The following PLXNA4 variants were observed in gnomAD, a reference collection of about 807,000 sequenced individuals.
The protein encoded by PLXNA4 is plexin A4, also known as plexin-A4.
A neutral mutation model predicts 191.8 loss-of-function variants in PLXNA4; 44 were observed. That is an observed-to-expected ratio of 0.23 (90% confidence interval 0.18 to 0.29). The LOEUF is 0.29. PLXNA4 is among the 10% of genes least tolerant of loss of function. PLXNA4 has a pLI of 1.00. For synonymous variants in PLXNA4, 1,082 were observed against 1,009.5 expected (o/e 1.07, Z -1.36); for missense variants, 1,800 against 2,488.8 (o/e 0.72, Z 5.89).
intron 1 of PLXNA4, among the ~76,000 whole-genome samples, chr7:132,531,052 C>A (rs1203927137): frequency 1.3e-5 from 2 of 152,124 alleles, no homozygotes; most frequent in Non-Finnish European, 2.9e-5. Context: ...AGTAGAACAG[C>A]GGTTACCCAG....
Position 132,384,283 on chromosome 7 carries a change from G to C in PLXNA4, c.1372-86061C>G, listed in dbSNP as rs558532460. 30 of 985,444 alleles carry C rather than the reference G, an allele frequency of 3.0e-5. No individual in the cohort carries two copies. In the African/African-American group the frequency reaches 5.1e-4, roughly 17 times the overall value. 61.0% of individuals were successfully genotyped at this position (985,444 alleles called of 1,614,324 possible). On this transcript the variant is annotated intron_variant, in intron 3 of 31. Coordinates refer to ENST00000321063, the MANE Select transcript of PLXNA4 (RefSeq NM_020911.2). Reference sequence around the variant, plus strand: ...ACTTTCACTTGTTTTCAAGTAACCAGATTAGCACCAGTCGCTAATTTTACA... The same window carrying C: ...ACTTTCACTTGTTTTCAAGTAACCACATTAGCACCAGTCGCTAATTTTACA...
intron 13 of PLXNA4, among the ~76,000 whole-genome samples, chr7:132,195,368 A>C (rs1411145261): frequency 6.6e-6 from 1 of 152,150 alleles, no homozygotes; most frequent in African/African-American, 2.4e-5. Context: ...CTTCCTATTG[A>C]TGAACGTTTA....
intron 9 of PLXNA4, among the ~76,000 whole-genome samples, chr7:132,215,681 A>G (rs1797941525): frequency 6.6e-6 from 1 of 152,114 alleles, no homozygotes; most frequent in African/African-American, 2.4e-5. Flanking sequence ...GAGTTCAACC[A>G]TCAGTGGGCA....
chr7:132,557,470 A>G (rs530940562), intron 1 of PLXNA4, among the ~76,000 whole-genome samples: 87 of 152,140 alleles, frequency 5.7e-4, no homozygotes, highest in Non-Finnish European at 8.7e-4. Flanking sequence ...GGACGTAAAG[A>G]TAGGCAATCA....
chr7:132,644,197 C>T (rs1803810829), intron 2 of PLXNA4, among the ~76,000 whole-genome samples: 1 of 152,116 alleles, frequency 6.6e-6, no homozygotes, highest in Admixed American at 6.6e-5. Context: ...TTTTGTCTCC[C>T]TGGCAGGTGA....
intron 3 of PLXNA4, among the ~76,000 whole-genome samples, chr7:132,323,190 C>T (rs957595559): frequency 2.0e-5 from 3 of 152,176 alleles, no homozygotes; most frequent in Non-Finnish European, 4.4e-5. Context: ...ACCACCAGGC[C>T]TTAAATCACC....
At chr7:132,414,142 C>T (rs937016397) in intron 3 of PLXNA4, among the ~76,000 whole-genome samples, 1 of 152,226 alleles carries the variant, frequency 6.6e-6, no homozygotes, top group African/African-American at 2.4e-5. Context: ...GCCCCGGTTG[C>T]TGTAATGGCT....
At chr7:132,315,263 A>G (rs527601289) in intron 3 of PLXNA4, among the ~76,000 whole-genome samples, 1 of 152,346 alleles carries the variant, frequency 6.6e-6, no homozygotes, top group East Asian at 1.9e-4. Context: ...TGAGTTGAGC[A>G]TGTACTGTGT....
intron 1 of PLXNA4, among the ~76,000 whole-genome samples, chr7:132,536,662 C>T (rs1799848103): frequency 6.6e-6 from 1 of 152,194 alleles, no homozygotes; most frequent in Non-Finnish European, 1.5e-5. Flanking sequence ...AGAGGACCAG[C>T]CACAAGGAGC....
intron 5 of PLXNA4, among the ~76,000 whole-genome samples, chr7:132,240,534 G>T (rs1404337269): frequency 1.3e-5 from 2 of 152,222 alleles, no homozygotes; most frequent in Non-Finnish European, 2.9e-5. Context: ...CAGTGGGAGG[G>T]TCCTCAGGTG....
intron 3 of PLXNA4, among the ~76,000 whole-genome samples, chr7:132,305,172 G>A (rs117095403): frequency 1.1e-3 from 168 of 152,248 alleles, no homozygotes; most frequent in Non-Finnish European, 2.0e-3. Context: ...ACACCTAGAC[G>A]GTGGTGGGCA....
Position 132,386,039 on chromosome 7 carries a change from T to A in PLXNA4, c.1372-87817A>T, listed in dbSNP as rs74973862. Among the ~76,000 whole-genome samples the A allele has an allele frequency of 8.5e-3, 1,297 of 152,296 alleles. 23 individuals are homozygous for A. The highest frequency in any genetic ancestry group is 0.029 in the African/African-American group (1,223 of 41,566). On this transcript the variant is annotated intron_variant, in intron 3 of 31. Coordinates refer to ENST00000321063, the MANE Select transcript of PLXNA4 (RefSeq NM_020911.2). ...AAACTTAATTAGCATTTAGTAAAGATGGCATGATGTTCCATAGAGCAGCGA... is the reference window on the plus strand; with the variant it reads ...AAACTTAATTAGCATTTAGTAAAGAAGGCATGATGTTCCATAGAGCAGCGA...
At chr7:132,173,345 T>C (rs372151062) in intron 21 of PLXNA4, among the ~76,000 whole-genome samples, 48 of 151,892 alleles carry the variant, frequency 3.2e-4, no homozygotes, top group African/African-American at 1.1e-3. Flanking sequence ...GTTATGTTTT[T>C]ATTTATGCAC....
intron 3 of PLXNA4, among the ~76,000 whole-genome samples, chr7:132,433,024 A>T (rs944648795): frequency 2.0e-5 from 3 of 152,204 alleles, no homozygotes; most frequent in African/African-American, 7.2e-5. Context: ...TGGCTCTTAC[A>T]CATAGGAGGT....
At chr7:132,471,292 T>C (rs1340805984) in intron 3 of PLXNA4, among the ~76,000 whole-genome samples, 1 of 152,186 alleles carries the variant, frequency 6.6e-6, no homozygotes, top group Non-Finnish European at 1.5e-5. Context: ...CTTTATAAAG[T>C]ATCCAGCCTC....
At chr7:132,576,943 G>A (rs941499138), upstream of PLXNA4, 1 of 148,278 alleles carries the variant, frequency 6.7e-6, no homozygotes, top group Non-Finnish European at 1.5e-5. This position sits in a 1 kb window ranked among gnomAD's most constrained non-coding sequence, Gnocchi z 5.8. Context: ...CGCTCTCGGC[G>A]CCTCTGCGCG....
chr7:132,353,584 T>C (rs1803577048), intron 3 of PLXNA4, among the ~76,000 whole-genome samples: 1 of 152,126 alleles, frequency 6.6e-6, no homozygotes, highest in Admixed American at 6.5e-5. Flanking sequence ...GCAAGTTCTG[T>C]TTATTTGGGA....
intron 3 of PLXNA4, among the ~76,000 whole-genome samples, chr7:132,443,307 C>T (rs772378551): frequency 3.3e-5 from 5 of 152,338 alleles, no homozygotes; most frequent in South Asian, 2.1e-4. Context: ...GGAACTTTCC[C>T]GGCTTCTGGG....
chr7:132,334,204 C>A (rs1320024496), intron 3 of PLXNA4, among the ~76,000 whole-genome samples: 14 of 150,134 alleles, frequency 9.3e-5, no homozygotes, highest in African/African-American at 3.4e-4. Context: ...GAGGTGTCTC[C>A]TGGTGCTTTA....
Sources: gnomAD v4.1 joint callset for allele counts (sites outside exome capture counted in the v4.1 genomes callset) on GRCh38, gnomAD v4.1.1 for gene constraint, Gnocchi (gnomAD v3.1) non-coding constraint, MANE v1.5 for transcripts, NCBI Gene and HGNC (gene_info 2026-07-23, HGNC 2026-07-21) for gene names.